The following COL25A1 variants were observed in gnomAD, a reference collection of about 807,000 sequenced individuals.
COL25A1 encodes collagen alpha-1(XXV) chain.
A neutral mutation model predicts 128.4 loss-of-function variants in COL25A1; 103 were observed. The ratio of observed to expected loss-of-function variants is 0.80; its 90% CI spans 0.68 to 0.94. The LOEUF (loss-of-function observed/expected upper bound fraction) is 0.94, where lower values mean the gene tolerates loss of function less well. Among genes scored for constraint, COL25A1 ranks in the 40% least tolerant of loss-of-function variants. The pLI, the probability that COL25A1 is intolerant of heterozygous loss-of-function variation, is 0.00. For missense variants in COL25A1, 745 were observed against 840.0 expected, an observed-to-expected ratio of 0.89 and a Z score of 1.40; for synonymous variants, 279 against 277.2, an observed-to-expected ratio of 1.01 and a Z score of -0.06.
intron 3 of COL25A1, among the ~76,000 whole-genome samples, chr4:109,116,759 T>C (rs1474974442): frequency 2.0e-5 from 3 of 151,996 alleles, no homozygotes; most frequent in Non-Finnish European, 4.4e-5. Flanking sequence ...AAGGTAAAAG[T>C]ATATAATATG....
intron 3 of COL25A1, among the ~76,000 whole-genome samples, chr4:109,131,485 G>A (rs1156280380): frequency 6.6e-6 from 1 of 152,112 alleles, no homozygotes; most frequent in African/African-American, 2.4e-5. Flanking sequence ...ATCTTTGGTA[G>A]GATATGTATT....
intron 26 of COL25A1, among the ~76,000 whole-genome samples, chr4:108,850,598 T>A (rs1031559412): frequency 2.6e-5 from 4 of 152,148 alleles, no homozygotes. Context: ...TCTTTCAGTT[T>A]CAACTCAAAG....
At chr4:108,942,338 A>T in intron 8 of COL25A1, 1 of 1,399,282 alleles carries the variant, frequency 7.1e-7, no homozygotes, top group Non-Finnish European at 9.9e-7. Flanking sequence ...TAGGGGACAA[A>T]CAAAACAAGC....
intron 3 of COL25A1, among the ~76,000 whole-genome samples, chr4:109,156,974 C>T (rs1772097296): frequency 6.6e-6 from 1 of 152,164 alleles, no homozygotes; most frequent in Non-Finnish European, 1.5e-5. Context: ...ATATCTAAAG[C>T]ACCTCTTTCA....
chr4:108,904,679 C>T (rs538304644), intron 13 of COL25A1, among the ~76,000 whole-genome samples: 2 of 152,036 alleles, frequency 1.3e-5, no homozygotes, highest in South Asian at 4.2e-4. Flanking sequence ...CATAATCTAT[C>T]CATCTATTTC....
chr4:109,162,648 A>G (rs1482659657), intron 3 of COL25A1, among the ~76,000 whole-genome samples: 1 of 152,206 alleles, frequency 6.6e-6, no homozygotes, highest in Non-Finnish European at 1.5e-5. Flanking sequence ...ATAGTATGGG[A>G]GCTATAGAAA....
At chr4:109,050,037 A>G in intron 4 of COL25A1, 98 bp downstream of exon 4, 2 of 954,020 alleles carry the variant, frequency 2.1e-6, no homozygotes, top group Non-Finnish European at 3.2e-6. Flanking sequence ...ACACACATAT[A>G]ACCTCCAACA....
chr4:109,133,941 T>C (rs901635445), intron 3 of COL25A1, among the ~76,000 whole-genome samples: 5 of 152,150 alleles, frequency 3.3e-5, no homozygotes, highest in African/African-American at 1.2e-4. Flanking sequence ...TTTCACAAAA[T>C]TCTATGTAAA....
chr4:108,829,750 T>C (rs1732860526), intron 32 of COL25A1, among the ~76,000 whole-genome samples: 1 of 152,208 alleles, frequency 6.6e-6, no homozygotes, highest in Non-Finnish European at 1.5e-5. Flanking sequence ...AAAAATTACT[T>C]AAGCTATTAA....
intron 6 of COL25A1, among the ~76,000 whole-genome samples, chr4:108,996,699 A>T (rs545672457): frequency 6.6e-6 from 1 of 152,212 alleles, no homozygotes; most frequent in Non-Finnish European, 1.5e-5. Flanking sequence ...CATCGTACTT[A>T]TTCCAAAATT....
At chr4:109,027,892 C>A (rs1758460871) in intron 5 of COL25A1, among the ~76,000 whole-genome samples, 1 of 152,040 alleles carries the variant, frequency 6.6e-6, no homozygotes, top group Non-Finnish European at 1.5e-5. Flanking sequence ...TTTGAACATG[C>A]TAAATTTGAG....
chr4:109,137,354 T>C (rs892037848), intron 3 of COL25A1, among the ~76,000 whole-genome samples: 3 of 152,228 alleles, frequency 2.0e-5, no homozygotes, highest in African/African-American at 7.2e-5. Context: ...TACAAAATTC[T>C]AGTTCTAAAG....
intron 36 of COL25A1, among the ~76,000 whole-genome samples, chr4:108,817,710 G>T (rs1470439575): frequency 1.3e-5 from 2 of 152,200 alleles, no homozygotes; most frequent in East Asian, 1.9e-4. Context: ...AAAGCATAGT[G>T]CTCTATTCAT....
chr4:108,952,831 C>CTTTTTTTTTTTTTTTT (rs59761040), intron 8 of COL25A1, among the ~76,000 whole-genome samples: 6 of 66,986 alleles, frequency 9.0e-5, no homozygotes, highest in Admixed American at 2.1e-4. Context: ...AAAAACTCAA[C>CTTTTTTTTTTTTTTTT]TTTTTTTTTT....
chr4:109,122,934 G>C (rs1336949346), intron 3 of COL25A1, among the ~76,000 whole-genome samples: 1 of 152,032 alleles, frequency 6.6e-6, no homozygotes, highest in Non-Finnish European at 1.5e-5. Flanking sequence ...AGACAATCAA[G>C]ACTTGTGGGG....
chr4:109,136,643 T>C (rs1370201503), intron 3 of COL25A1, among the ~76,000 whole-genome samples: 1 of 152,202 alleles, frequency 6.6e-6, no homozygotes, highest in Non-Finnish European at 1.5e-5. Flanking sequence ...GAGTCTGGTG[T>C]GAATGGAAAA....
chr4:108,914,344 A>G lies in COL25A1; in HGVS notation c.780+3828T>C, dbSNP rs1744614568. Among the ~76,000 whole-genome samples the G allele has an allele frequency of 2.0e-5, 3 of 152,212 alleles. No homozygotes were observed. The South Asian group carries it at 6.2e-4, about 32-fold the overall frequency. On this transcript the variant is annotated intron_variant, in intron 13 of 37. Coordinates refer to ENST00000399132, the MANE Select transcript of COL25A1 (RefSeq NM_198721.4). The stretch of plus-strand genomic sequence containing the variant: ...AAAAAAGGGATCCTTCAAAGGCTAC[A>G]CAAGAGGTGAAAGAGCACAGAGTGT...
intron 13 of COL25A1, among the ~76,000 whole-genome samples, chr4:108,908,435 G>C (rs373870005): frequency 1.2e-4 from 18 of 152,070 alleles, no homozygotes; most frequent in African/African-American, 4.3e-4. Flanking sequence ...GCTCCTACTT[G>C]CATCCCCAAT....
chr4:108,964,279 G>A (rs759201003), intron 8 of COL25A1, among the ~76,000 whole-genome samples: 15 of 151,562 alleles, frequency 9.9e-5, no homozygotes, highest in Admixed American at 2.0e-4. Context: ...CTTAGGATTG[G>A]ATTTTGGCTT....
Sources: allele counts gnomAD v4.1 joint callset (sites outside exome capture counted in the v4.1 genomes callset), GRCh38; gene constraint gnomAD v4.1.1; transcripts MANE v1.5; gene names NCBI Gene and HGNC (gene_info 2026-07-23, HGNC 2026-07-21).